KCNIP4: variants seen among roughly 807,000 people sequenced by gnomAD.
The protein encoded by KCNIP4 is Kv channel-interacting protein 4.
A neutral mutation model predicts 34.0 loss-of-function variants in KCNIP4; 12 were observed. The ratio of observed to expected loss-of-function variants is 0.35; its 90% CI spans 0.23 to 0.57. The LOEUF (loss-of-function observed/expected upper bound fraction) is 0.57, where lower values mean the gene tolerates loss of function less well. KCNIP4 is among the 20% of genes least tolerant of loss of function. The pLI is 0.83. For synonymous variants in KCNIP4, 124 were observed against 102.2 expected (o/e 1.21, Z -1.29); for missense variants, 238 against 311.7 (o/e 0.76, Z 1.78).
intron 3 of KCNIP4, among the ~76,000 whole-genome samples, chr4:20,841,726 G>C (rs958234052): frequency 2.0e-5 from 3 of 146,652 alleles, no homozygotes; most frequent in Non-Finnish European, 4.5e-5. Context: ...ATTTTGCTTA[G>C]AGTAGCCCTC....
rs879226040 is a variant in KCNIP4, at chr4:21,519,680, A to G, written c.61+428891T>C. ...TGTATATATACACGTGTGTGTATGT[A>G]TGTGTATATACACACGTGTGTGTAT... On this transcript the variant is annotated intron_variant, in intron 1 of 8. Coordinates refer to ENST00000382152, the MANE Select transcript of KCNIP4 (RefSeq NM_025221.6). 5.0e-5 allele frequency among the ~76,000 whole-genome samples: 7 copies of G among 139,108 alleles called. 1 individual carries two copies. Among genetic ancestry groups the G allele is most frequent in the African/African-American group, 8.0e-5 (3 of 37,342 alleles). The allele number at this position is 139,108 out of a possible 152,430, so 91.3% of individuals were successfully genotyped here. A position where few individuals can be genotyped will look rare whatever the true frequency, so the allele number is the denominator to read the frequency against.
chr4:20,841,320 G>A (rs1719690187), intron 3 of KCNIP4, among the ~76,000 whole-genome samples: 1 of 152,150 alleles, frequency 6.6e-6, no homozygotes, highest in South Asian at 2.1e-4. Flanking sequence ...TGAGAATTTT[G>A]TAGTAAAGAA....
chr4:20,788,928 A>G (rs567628238), intron 3 of KCNIP4, among the ~76,000 whole-genome samples: 166 of 152,270 alleles, frequency 1.1e-3, no homozygotes, highest in Non-Finnish European at 2.2e-3. Context: ...TCAAGGCTTG[A>G]GCTCATGAGT....
intron 1 of KCNIP4, among the ~76,000 whole-genome samples, chr4:21,770,716 C>T (rs567938981): frequency 5.5e-4 from 83 of 150,390 alleles, no homozygotes; most frequent in Non-Finnish European, 9.3e-4. Flanking sequence ...TGCTGAGCTT[C>T]CATGTTTGTT....
At chr4:21,676,920 T>C (rs1212564343) in intron 1 of KCNIP4, among the ~76,000 whole-genome samples, 1 of 151,272 alleles carries the variant, frequency 6.6e-6, no homozygotes, top group Non-Finnish European at 1.5e-5. Flanking sequence ...AGAGCAAAAA[T>C]ATCTCTAAGA....
Position 21,488,517 on chromosome 4 carries a change from A to G in KCNIP4, c.61+460054T>C, listed in dbSNP as rs1732106152. ...GACAAATGAAATGTCACAAAATTAA[A>G]GAATATGCATATGGCTAAAAAAAAC... On this transcript the variant is annotated intron_variant, in intron 1 of 8. Transcript: ENST00000382152. 3.9e-5 allele frequency among the ~76,000 whole-genome samples: 6 copies of G among 152,258 alleles called. No homozygotes were observed. In the South Asian group the frequency reaches 1.2e-3, roughly 32 times the overall value.
At chr4:20,905,501 TTTTC>T (rs1560558533) in intron 1 of KCNIP4, among the ~76,000 whole-genome samples, 1 of 105,144 alleles carries the variant, frequency 9.5e-6, no homozygotes, top group African/African-American at 3.5e-5. Flanking sequence ...TAGTTGAACG[TTTTC>T]TTTCTTTTTT....
At chr4:21,767,057 T>A (rs1243716868) in intron 1 of KCNIP4, among the ~76,000 whole-genome samples, 1 of 151,556 alleles carries the variant, frequency 6.6e-6, no homozygotes, top group Non-Finnish European at 1.5e-5. Flanking sequence ...AGAAAGGGAG[T>A]CAGGGAATCT....
intron 1 of KCNIP4, among the ~76,000 whole-genome samples, chr4:21,188,659 C>A (rs1346296035): frequency 2.6e-5 from 4 of 152,140 alleles, no homozygotes; most frequent in Non-Finnish European, 5.9e-5. Flanking sequence ...GAGAGATGAA[C>A]TCCCTTTTTT....
chr4:20,942,539 T>C (rs1731746697), intron 1 of KCNIP4, among the ~76,000 whole-genome samples: 2 of 152,186 alleles, frequency 1.3e-5, no homozygotes, highest in South Asian at 4.1e-4. Flanking sequence ...CACACAACTA[T>C]GACGTAGGGC....
chr4:21,914,879 G>T (rs1030644070), intron 1 of KCNIP4, among the ~76,000 whole-genome samples: 4 of 152,134 alleles, frequency 2.6e-5, no homozygotes, highest in African/African-American at 7.2e-5. Context: ...ATGGATGGAT[G>T]AGCAGAGGAA....
chr4:21,212,926 TAAAC>T (rs149073904), intron 1 of KCNIP4, among the ~76,000 whole-genome samples: 12,348 of 152,212 alleles, frequency 0.081, 686 homozygotes, highest in Non-Finnish European at 0.12. Flanking sequence ...ATATAGCACA[TAAAC>T]AAATATACAG....
chr4:21,213,491 G>A (rs1757365579), intron 1 of KCNIP4, among the ~76,000 whole-genome samples: 1 of 151,856 alleles, frequency 6.6e-6, no homozygotes, highest in Non-Finnish European at 1.5e-5. Flanking sequence ...TAGTAGAAAT[G>A]GGGTTTCACC....
chr4:21,027,522 T>C (rs558767866), intron 1 of KCNIP4, among the ~76,000 whole-genome samples: 3 of 150,794 alleles, frequency 2.0e-5, no homozygotes, highest in Non-Finnish European at 4.4e-5. Flanking sequence ...TTATTTTAGG[T>C]GCATAATTTT....
intron 5 of KCNIP4, among the ~76,000 whole-genome samples, chr4:20,741,334 C>T (rs1419873591): frequency 6.6e-6 from 1 of 152,220 alleles, no homozygotes. Flanking sequence ...AAGCACTCCT[C>T]AGCAAATGTA....
At chr4:21,235,302 C>T (rs923569429) in intron 1 of KCNIP4, among the ~76,000 whole-genome samples, 2 of 152,132 alleles carry the variant, frequency 1.3e-5, no homozygotes, top group African/African-American at 4.8e-5. Context: ...GGATAAGGCT[C>T]CTGTGCTGAT....
intron 1 of KCNIP4, among the ~76,000 whole-genome samples, chr4:21,105,271 T>C (rs1048183838): frequency 6.6e-6 from 1 of 151,614 alleles, no homozygotes. Context: ...TTTTATTTCA[T>C]TGAGCAGTGG....
rs1578012587 is a variant in KCNIP4, at chr4:21,280,617, A to T, written c.62-397908T>A. Among the ~76,000 whole-genome samples the T allele has an allele frequency of 2.0e-5, 3 of 152,348 alleles. No homozygotes were observed. The South Asian group carries it at 6.2e-4, about 32-fold the overall frequency. ...CCAAACTTTCATTATTTTCCCCAAA[A>T]GTCCAAATTTTCTTCAATAACCTAC... On this transcript the variant is annotated intron_variant, in intron 1 of 8. Transcript: ENST00000382152.
chr4:21,105,145 A>G (rs1351983987), intron 1 of KCNIP4, among the ~76,000 whole-genome samples: 5 of 151,664 alleles, frequency 3.3e-5, no homozygotes, highest in African/African-American at 1.2e-4. Context: ...AGTCATTGGT[A>G]GCTTGATGGG....
Sources: allele counts gnomAD v4.1 joint callset (sites outside exome capture counted in the v4.1 genomes callset), GRCh38; gene constraint gnomAD v4.1.1; transcripts MANE v1.5; gene names NCBI Gene and HGNC (gene_info 2026-07-23, HGNC 2026-07-21).